The following TESPA1 variants were observed in gnomAD, a reference collection of about 807,000 sequenced individuals.
TESPA1 encodes the protein protein TESPA1.
TESPA1 carries 33 observed loss-of-function variants against 57.9 expected under a neutral mutation model. The observed-to-expected ratio is 0.57, with a 90% CI of 0.43 to 0.76. The LOEUF (loss-of-function observed/expected upper bound fraction) is 0.76, where lower values mean the gene tolerates loss of function less well. TESPA1 is among the 30% of genes least tolerant of loss of function. The pLI is 0.00. For synonymous variants in TESPA1, 227 were observed against 228.9 expected (o/e 0.99, Z 0.07); for missense variants, 618 against 632.9 (o/e 0.98, Z 0.25).
At position 54,964,687 on chromosome 12, in the gene TESPA1, C is replaced by T. The variant is rs113376583; in HGVS notation, c.447-737G>A. On this transcript the variant is annotated intron_variant, in intron 7 of 10. Coordinates refer to ENST00000449076, the MANE Select transcript of TESPA1 (RefSeq NM_001136030.3). ...ACTATCACTCTCTTCAGAAAGTATG[C>T]TGGGCTTTTTGATCAAATAGGGACC... Among the ~76,000 whole-genome samples the T allele has an allele frequency of 3.1e-3, 477 of 152,340 alleles. 2 individuals are homozygous for T. The highest frequency in any genetic ancestry group is 0.011 in the African/African-American group (439 of 41,570).
chr12:54,967,476 C>T (rs1024737987), intron 4 of TESPA1, among the ~76,000 whole-genome samples: 4 of 151,692 alleles, frequency 2.6e-5, no homozygotes, highest in Admixed American at 2.6e-4. Context: ...TAACCTTTCC[C>T]CTATATCACA....
chr12:54,954,353 A>G (rs1390112973), intron 10 of TESPA1, among the ~76,000 whole-genome samples: 1 of 152,352 alleles, frequency 6.6e-6, no homozygotes, highest in East Asian at 1.9e-4. Context: ...AAAACCACAG[A>G]CAAAATAACA....
intron 4 of TESPA1, 119 bp downstream of exon 4, chr12:54,967,724 C>G (rs886532745): frequency 8.2e-7 from 1 of 1,219,182 alleles, no homozygotes; most frequent in East Asian, 2.5e-5. Flanking sequence ...TTTAAGAACA[C>G]TCAGGGACTC....
intron 10 of TESPA1, among the ~76,000 whole-genome samples, chr12:54,954,233 G>A (rs1298925101): frequency 2.6e-5 from 4 of 152,174 alleles, no homozygotes; most frequent in African/African-American, 9.7e-5. Context: ...CAGGAGACCT[G>A]GGCCTTAGTT....
chr12:54,959,432 A>G (rs1950944102), intron 10 of TESPA1, among the ~76,000 whole-genome samples: 1 of 152,202 alleles, frequency 6.6e-6, no homozygotes, highest in South Asian at 2.1e-4. Context: ...GGGAAACACT[A>G]GGGGATTTTT....
intron 10 of TESPA1, among the ~76,000 whole-genome samples, chr12:54,956,631 G>A (rs1468674250): frequency 6.6e-6 from 1 of 152,168 alleles, no homozygotes; most frequent in Non-Finnish European, 1.5e-5. Flanking sequence ...AGTGAAGAAA[G>A]CTGTTGGCTG....
Position 54,954,504 on chromosome 12 carries a change from C to T in TESPA1, c.*2-4114G>A, listed in dbSNP as rs150068825. Reference sequence around the variant, plus strand: ...TCTAAGTTGTAGTTCAAATGGATCACCAAGATTACTTCCAAGGCTGCCAAG... The same window carrying T: ...TCTAAGTTGTAGTTCAAATGGATCATCAAGATTACTTCCAAGGCTGCCAAG... On this transcript the variant is annotated intron_variant, in intron 10 of 10. Transcript: ENST00000449076. Among the ~76,000 whole-genome samples the T allele has an allele frequency of 4.1e-3, 631 of 152,200 alleles. 1 individual carries two copies. Among genetic ancestry groups the T allele is most frequent in the Middle Eastern group, 0.014 (4 of 294 alleles).
intron 1 of TESPA1, among the ~76,000 whole-genome samples, chr12:54,983,173 A>G (rs936674463): frequency 1.3e-5 from 2 of 152,212 alleles, no homozygotes; most frequent in African/African-American, 2.4e-5. Context: ...TTGGGGCTTC[A>G]TGTTCACTAC....
chr12:54,953,917 A>G (rs966538599), intron 10 of TESPA1, among the ~76,000 whole-genome samples: 4 of 152,246 alleles, frequency 2.6e-5, no homozygotes, highest in Non-Finnish European at 5.9e-5. Context: ...AATGAAAATT[A>G]TTAATAATTA....
intron 10 of TESPA1, among the ~76,000 whole-genome samples, chr12:54,960,726 T>G (rs1951020315): frequency 6.6e-6 from 1 of 152,234 alleles, no homozygotes. Flanking sequence ...CAGGGGATGC[T>G]GATGCTCCTT....
At chr12:54,979,220 T>G (rs1166441914) in intron 1 of TESPA1, among the ~76,000 whole-genome samples, 1 of 152,224 alleles carries the variant, frequency 6.6e-6, no homozygotes. Flanking sequence ...AAAAAATATT[T>G]TCCAGAGTCT....
At chr12:54,950,623 G>C (rs900046568) in intron 10 of TESPA1, among the ~76,000 whole-genome samples, 1 of 152,128 alleles carries the variant, frequency 6.6e-6, no homozygotes, top group African/African-American at 2.4e-5. Context: ...TACTTATAAA[G>C]GCATACATTT....
chr12:54,974,527 C>A lies in TESPA1; in HGVS notation c.36G>T (p.Glu12Asp). 6.2e-7 allele frequency: 1 copy of A among 1,600,238 alleles called. No homozygotes were observed. ...TCTGACGGAGCCAGGCCCGCCGTTT[C>A]TCCCAGGATGTGGGGCTCAGCACAG... ...EASVLSPTSW[E>D]KRRAWLRQSR... The change falls in exon 2 of 11, where the codon GAG becomes GAT. Residue 12 changes from glutamate to aspartate, a missense_variant. Around this residue, in one of 3 missense-constraint regions of TESPA1, gnomAD observed 199 missense variants for 184.0 expected, o/e 1.08. Coordinates refer to ENST00000449076, the MANE Select transcript of TESPA1 (RefSeq NM_001136030.3).
In TESPA1 at chr12:54,962,477, C is replaced by A. The variant is rs370397366; in HGVS notation, c.1421G>T (p.Arg474Leu). Reference sequence around the variant, plus strand: ...CTGTGGCTGCTGGCTTAAAGACCGACGCAGTTCTGGTCTGTCTACACTCTG... The same window carrying A: ...CTGTGGCTGCTGGCTTAAAGACCGAAGCAGTTCTGGTCTGTCTACACTCTG... ...WKQSVDRPELRRSLSQQPQDT... is the reference protein window; with the variant it reads ...WKQSVDRPELLRSLSQQPQDT... Residue 474 changes from arginine to leucine, a missense_variant, in exon 9 of 11, where the codon CGT becomes CTT. By Grantham distance (102) the Arg-to-Leu change is moderately radical. Coordinates refer to ENST00000449076, the MANE Select transcript of TESPA1 (RefSeq NM_001136030.3). 2.0e-3 allele frequency: 3,176 copies of A among 1,612,782 alleles called. 82 individuals are homozygous for A. In the South Asian group the frequency reaches 0.033, roughly 17 times the overall value.
intron 10 of TESPA1, among the ~76,000 whole-genome samples, chr12:54,952,308 G>C (rs571998986): frequency 6.6e-6 from 1 of 152,278 alleles, no homozygotes; most frequent in South Asian, 2.1e-4. Flanking sequence ...AAAATACCTA[G>C]TTTGTAATGT....
intron 10 of TESPA1, among the ~76,000 whole-genome samples, chr12:54,952,110 C>T (rs968341126): frequency 6.6e-6 from 1 of 151,926 alleles, no homozygotes; most frequent in South Asian, 2.1e-4. Flanking sequence ...AGGGTGAGGC[C>T]CCATGATGGG....
chr12:54,975,675 A>G lies in TESPA1; in HGVS notation c.-45-1068T>C, dbSNP rs79493056. 7.6e-3 allele frequency among the ~76,000 whole-genome samples: 1,126 copies of G among 148,674 alleles called. 13 individuals carry two copies. Among genetic ancestry groups the G allele is most frequent in the African/African-American group, 0.027 (1,056 of 38,712 alleles). ...ACATCATCTTAAGAGCTACACTTTT[A>G]ACTATTGGAATAAAATAAAATAAAA... is the stretch of plus-strand genomic sequence containing the variant. On this transcript the variant is annotated intron_variant, in intron 1 of 10. Transcript: ENST00000449076.
chr12:54,967,107 A>G, intron 5 of TESPA1, 76 bp downstream of exon 5: 1 of 1,539,956 alleles, frequency 6.5e-7, no homozygotes, highest in Non-Finnish European at 8.9e-7. Flanking sequence ...GAAGTTTTGC[A>G]CTTCCATCCT....
In TESPA1 at chr12:54,950,282, T is replaced by G; in HGVS notation, c.*110A>C. 1 of 456,622 alleles carries G rather than the reference T, an allele frequency of 2.2e-6. No individual in the cohort carries two copies. The highest frequency in any genetic ancestry group is 4.4e-6 in the Non-Finnish European group (1 of 226,914). The allele number at this position is 456,622 out of a possible 1,614,324, so 28.3% of individuals were successfully genotyped here. ...TTTGGGGGTTTGGAGGACCAAGGAGTAGGGGCTGGATGTTGAGGGCAGTGC... is the reference window on the plus strand; with the variant it reads ...TTTGGGGGTTTGGAGGACCAAGGAGGAGGGGCTGGATGTTGAGGGCAGTGC... On this transcript the variant is annotated 3_prime_UTR_variant, in exon 11 of 11. Transcript: ENST00000449076.
Sources: allele counts gnomAD v4.1 joint callset (sites outside exome capture counted in the v4.1 genomes callset), GRCh38; gene constraint gnomAD v4.1.1; regional missense constraint gnomAD v4.1.1; transcripts MANE v1.5; gene names NCBI Gene and HGNC (gene_info 2026-07-23, HGNC 2026-07-21).